Variants in ARMH4 observed in about 807,000 individuals in gnomAD.
The protein encoded by ARMH4 is armadillo-like helical domain-containing protein 4.
In ARMH4, 49 loss-of-function variants were observed where a neutral mutation model predicts 61.9. That is an observed-to-expected ratio of 0.79 (90% CI 0.63 to 1.00). The LOEUF (loss-of-function observed/expected upper bound fraction) is 1.00, where lower values mean the gene tolerates loss of function less well. ARMH4 is among the 50% of genes least tolerant of loss of function. ARMH4 has a pLI of 0.00. For missense variants in ARMH4, 934 were observed against 930.0 expected (o/e 1.00, Z -0.06); for synonymous variants, 368 against 341.5 (o/e 1.08, Z -0.85).
chr14:58,145,070 C>A (rs1054313730), intron 1 of ARMH4, among the ~76,000 whole-genome samples: 3 of 152,160 alleles, frequency 2.0e-5, no homozygotes, highest in Non-Finnish European at 2.9e-5. Context: ...AATACTTTTT[C>A]TATTCAGTGA....
chr14:58,068,412 C>T (rs554379937), intron 5 of ARMH4, among the ~76,000 whole-genome samples: 3 of 152,302 alleles, frequency 2.0e-5, no homozygotes, highest in South Asian at 2.1e-4. Flanking sequence ...AACGCCACAT[C>T]CCTTGTGCTT....
chr14:58,024,759 G>A (rs1176810052), intron 5 of ARMH4, among the ~76,000 whole-genome samples: 1 of 152,114 alleles, frequency 6.6e-6, no homozygotes, highest in Non-Finnish European at 1.5e-5. Flanking sequence ...CCACTGTAGG[G>A]CTTTTAATTG....
intron 5 of ARMH4, among the ~76,000 whole-genome samples, chr14:58,080,812 A>G (rs1885197230): frequency 6.6e-6 from 1 of 152,158 alleles, no homozygotes; most frequent in Non-Finnish European, 1.5e-5. Flanking sequence ...TTTCTATAAA[A>G]ATAAATAGGC....
At chr14:58,066,790 A>G (rs965760451) in intron 5 of ARMH4, among the ~76,000 whole-genome samples, 2 of 152,208 alleles carry the variant, frequency 1.3e-5, no homozygotes, top group Non-Finnish European at 2.9e-5. Flanking sequence ...TATAAGATTT[A>G]CTGTTGACAT....
chr14:58,142,510 G>A (rs1347462815), intron 1 of ARMH4, among the ~76,000 whole-genome samples: 2 of 150,622 alleles, frequency 1.3e-5, no homozygotes, highest in Non-Finnish European at 1.5e-5. Context: ...TTTTGAGATG[G>A]AGTTTCACTC....
intron 1 of ARMH4, among the ~76,000 whole-genome samples, chr14:58,140,703 C>T (rs1166793449): frequency 1.3e-5 from 2 of 152,046 alleles, no homozygotes; most frequent in African/African-American, 4.8e-5. Context: ...GAGTTCAAGA[C>T]CAGCCTGGCC....
intron 5 of ARMH4, among the ~76,000 whole-genome samples, chr14:58,024,719 G>C (rs184819929): frequency 1.3e-5 from 2 of 152,232 alleles, no homozygotes; most frequent in African/African-American, 4.8e-5. Context: ...AGAGATGTGT[G>C]TCTCTTTCTT....
At chr14:58,082,448 C>T (rs1263320815) in intron 5 of ARMH4, among the ~76,000 whole-genome samples, 1 of 152,186 alleles carries the variant, frequency 6.6e-6, no homozygotes, top group Non-Finnish European at 1.5e-5. Context: ...AATTAGTATG[C>T]TCTTTTTCAA....
chr14:58,032,230 G>T (rs1236670180), intron 5 of ARMH4, among the ~76,000 whole-genome samples: 2 of 152,118 alleles, frequency 1.3e-5, no homozygotes, highest in African/African-American at 2.4e-5. Context: ...ACCAGAGAAG[G>T]CCTGGCATGC....
At chr14:58,008,118 C>T (rs1202837341) in intron 6 of ARMH4, among the ~76,000 whole-genome samples, 6 of 152,120 alleles carry the variant, frequency 3.9e-5, no homozygotes, top group African/African-American at 7.2e-5. Flanking sequence ...AGTATTATAT[C>T]GATATTGAAT....
chr14:58,068,878 G>T (rs980984808), intron 5 of ARMH4, among the ~76,000 whole-genome samples: 3 of 151,902 alleles, frequency 2.0e-5, no homozygotes, highest in African/African-American at 7.2e-5. Context: ...ATGGTGGTGC[G>T]CACCTGTAAT....
intron 6 of ARMH4, among the ~76,000 whole-genome samples, chr14:58,009,180 T>A (rs1208665738): frequency 2.0e-5 from 3 of 152,144 alleles, no homozygotes; most frequent in Non-Finnish European, 4.4e-5. Context: ...GGTACAACCA[T>A]GTGGTAAGTT....
At position 58,139,030 on chromosome 14, in the gene ARMH4, C is replaced by T. The variant is rs771968872; in HGVS notation, c.329G>A (p.Gly110Asp). The change falls in exon 2 of 8, where the codon GGT becomes GAT. Residue 110 changes from glycine (G) to aspartate (D), a missense_variant. Physicochemically the swap from Gly to Asp is moderately conservative, Grantham distance 94. Transcript: ENST00000267485. ...QAGLMQTERP[G>D]VSTPTESGVP... ...ACCTGACTCAGTAGGTGTGGAAACACCAGGGCGTTCTGTTTGCATGAGCCC... is the reference window on the plus strand; with the variant it reads ...ACCTGACTCAGTAGGTGTGGAAACATCAGGGCGTTCTGTTTGCATGAGCCC... 1.9e-6 allele frequency: 3 copies of T among 1,614,206 alleles called. No individual in the cohort carries two copies. The highest frequency in any genetic ancestry group is 1.1e-5 in the South Asian group (1 of 91,078).
At chr14:58,006,599 C>T (rs375894186) in intron 6 of ARMH4, among the ~76,000 whole-genome samples, 92 of 152,290 alleles carry the variant, frequency 6.0e-4, no homozygotes, top group Non-Finnish European at 1.0e-3. Context: ...AATTTGAGAA[C>T]AATAGCACTG....
At chr14:58,099,342 A>C (rs1477433090) in intron 4 of ARMH4, among the ~76,000 whole-genome samples, 1 of 152,152 alleles carries the variant, frequency 6.6e-6, no homozygotes, top group Non-Finnish European at 1.5e-5. Context: ...TGACCAGCAG[A>C]GGAAGATCCA....
At chr14:58,132,092 A>C (rs1887128677) in intron 3 of ARMH4, among the ~76,000 whole-genome samples, 1 of 152,248 alleles carries the variant, frequency 6.6e-6, no homozygotes, top group Non-Finnish European at 1.5e-5. Context: ...CTTTGGAAAG[A>C]TCGAGTGTCT....
Position 58,026,945 on chromosome 14 carries a change from A to G in ARMH4, c.2090-14795T>C, listed in dbSNP as rs1883042539. Among the ~76,000 whole-genome samples, 3 of 152,214 alleles carry G rather than the reference A, an allele frequency of 2.0e-5. No individual in the cohort carries two copies. In the South Asian group the frequency reaches 6.2e-4, roughly 32 times the overall value. On this transcript the variant is annotated intron_variant, in intron 5 of 7. Transcript: ENST00000267485. Reference sequence around the variant, plus strand: ...TCTGACATGATTCTACTTAATCAACAAGAAGCTCCCACCTCCCTAGTGCCT... The same window carrying G: ...TCTGACATGATTCTACTTAATCAACGAGAAGCTCCCACCTCCCTAGTGCCT...
Position 58,138,130 on chromosome 14 carries a change from G to T in ARMH4, c.1229C>A (p.Ser410Tyr). ...CGTACTTTGGAGCAAGTTCACAATG[G>T]AAACTTTCATGTCTTCCATCAGACT... Reference protein sequence around the residue: ...PTSLMEDMKVSIVNLLQSTGD... With the variant: ...PTSLMEDMKVYIVNLLQSTGD... The change falls in exon 2 of 8, where the codon TCC becomes TAC. Residue 410 changes from serine to tyrosine, a missense_variant. Physicochemically the swap from Ser to Tyr is moderately radical, Grantham distance 144. Transcript: ENST00000267485. 1 of 1,614,186 alleles carries T rather than the reference G, an allele frequency of 6.2e-7. No homozygotes were observed. Among genetic ancestry groups the T allele is most frequent in the South Asian group, 1.1e-5 (1 of 91,088 alleles).
chr14:58,105,789 A>G (rs1460671188), intron 4 of ARMH4, among the ~76,000 whole-genome samples: 1 of 152,168 alleles, frequency 6.6e-6, no homozygotes, highest in African/African-American at 2.4e-5. Flanking sequence ...TAATGCTCAA[A>G]GATGTAAAGT....
Sources: gnomAD v4.1 joint callset for allele counts (sites outside exome capture counted in the v4.1 genomes callset) on GRCh38, gnomAD v4.1.1 for gene constraint, MANE v1.5 for transcripts, NCBI Gene and HGNC (gene_info 2026-07-23, HGNC 2026-07-21) for gene names.